SLC16A12: variants seen among roughly 807,000 people sequenced by gnomAD.
The protein encoded by SLC16A12 is monocarboxylate transporter 12.
SLC16A12 carries 17 observed loss-of-function variants against 42.4 expected under a neutral mutation model. That is an observed-to-expected ratio of 0.40 (90% CI 0.27 to 0.60). The LOEUF (loss-of-function observed/expected upper bound fraction) is 0.60, where lower values mean the gene tolerates loss of function less well. SLC16A12 is among the 20% of genes least tolerant of loss of function. The pLI is 0.42. For synonymous variants in SLC16A12, 224 were observed against 229.4 expected, an observed-to-expected ratio of 0.98 and a Z score of 0.21; for missense variants, 544 against 623.0, an observed-to-expected ratio of 0.87 and a Z score of 1.35.
chr10:89,528,193 C>A (rs906438685), intron 2 of SLC16A12, among the ~76,000 whole-genome samples: 5 of 152,022 alleles, frequency 3.3e-5, no homozygotes, highest in Non-Finnish European at 5.9e-5. Context: ...AAAGAGAGAC[C>A]CTGTCCCAAG....
intron 2 of SLC16A12, among the ~76,000 whole-genome samples, chr10:89,473,049 G>T (rs1466354866): frequency 6.6e-6 from 1 of 151,022 alleles, no homozygotes; most frequent in Non-Finnish European, 1.5e-5. Context: ...AAACTTTTGG[G>T]CTCAAGCGAT....
At chr10:89,550,387 C>T (rs1459649523) in intron 2 of SLC16A12, among the ~76,000 whole-genome samples, 1 of 152,064 alleles carries the variant, frequency 6.6e-6, no homozygotes, top group Non-Finnish European at 1.5e-5. Context: ...GGTGTGGTGG[C>T]AGGTGCCTGT....
At position 89,472,514 on chromosome 10, in the gene SLC16A12, A is replaced by G. The variant is rs1355900607; in HGVS notation, c.-46-9890T>C. ...TTTTTTTTTTTTTTTTTTTTTTGAG[A>G]TGGAGTCTTGCTGTGTTGCCCAGGC... On this transcript the variant is annotated intron_variant, in intron 2 of 7. Transcript: ENST00000371790. Among the ~76,000 whole-genome samples the G allele has an allele frequency of 1.4e-3, 101 of 74,144 alleles. 1 individual carries two copies. Among genetic ancestry groups the G allele is most frequent in the African/African-American group, 4.8e-3 (91 of 18,884 alleles). 48.6% of individuals were successfully genotyped at this position (74,144 alleles called of 152,430 possible).
intron 2 of SLC16A12, among the ~76,000 whole-genome samples, chr10:89,519,960 A>G (rs1269008276): frequency 6.6e-6 from 1 of 151,972 alleles, no homozygotes; most frequent in African/African-American, 2.4e-5. Flanking sequence ...TAAAAATACA[A>G]AAATTAGTTG....
chr10:89,531,039 G>C (rs17093711), intron 2 of SLC16A12, among the ~76,000 whole-genome samples: 24 of 152,044 alleles, frequency 1.6e-4, no homozygotes, highest in Admixed American at 1.3e-3. Flanking sequence ...TCCATATAGC[G>C]ATCAACTTAG....
chr10:89,479,842 C>T (rs370323278), intron 2 of SLC16A12, among the ~76,000 whole-genome samples: 4 of 152,126 alleles, frequency 2.6e-5, no homozygotes, highest in African/African-American at 4.8e-5. Context: ...TTATATATCA[C>T]GATAGTGTTG....
At chr10:89,519,852 T>C (rs371539245) in intron 2 of SLC16A12, among the ~76,000 whole-genome samples, 17 of 152,270 alleles carry the variant, frequency 1.1e-4, no homozygotes, top group East Asian at 1.9e-4. Context: ...CGGTGGCTCA[T>C]GCCTGTAATC....
At chr10:89,554,068 G>T (rs1843788868) in intron 2 of SLC16A12, among the ~76,000 whole-genome samples, 2 of 105,654 alleles carry the variant, frequency 1.9e-5, no homozygotes, top group African/African-American at 7.6e-5. Context: ...AAGAAAGAAA[G>T]AAAGAAAGAA....
At chr10:89,506,384 A>G (rs1012398490) in intron 2 of SLC16A12, among the ~76,000 whole-genome samples, 50 of 152,218 alleles carry the variant, frequency 3.3e-4, no homozygotes. Context: ...AGGATCAGGC[A>G]GCAATATTTG....
At chr10:89,546,137 A>C (rs185174930) in intron 2 of SLC16A12, among the ~76,000 whole-genome samples, 3 of 151,558 alleles carry the variant, frequency 2.0e-5, no homozygotes, top group African/African-American at 7.3e-5. Context: ...ATGGGCAAAG[A>C]CTTCATGACA....
chr10:89,522,636 T>G (rs1190164779), intron 2 of SLC16A12, among the ~76,000 whole-genome samples: 1 of 152,246 alleles, frequency 6.6e-6, no homozygotes, highest in African/African-American at 2.4e-5. Flanking sequence ...ACTGGTTATT[T>G]GAAGTCTTAA....
chr10:89,548,434 T>C (rs560320831), intron 2 of SLC16A12, among the ~76,000 whole-genome samples: 1 of 152,092 alleles, frequency 6.6e-6, no homozygotes, highest in East Asian at 1.9e-4. Context: ...AAATGTTCTG[T>C]GCAAAAGAGG....
At chr10:89,506,075 C>G (rs1183948634) in intron 2 of SLC16A12, among the ~76,000 whole-genome samples, 1 of 152,232 alleles carries the variant, frequency 6.6e-6, no homozygotes, top group Non-Finnish European at 1.5e-5. Flanking sequence ...CGGCCCCACT[C>G]AGGGACTTAT....
intron 2 of SLC16A12, among the ~76,000 whole-genome samples, chr10:89,502,429 T>C (rs1287029515): frequency 2.0e-5 from 3 of 151,858 alleles, no homozygotes; most frequent in Non-Finnish European, 4.4e-5. Flanking sequence ...CGGGCAACAG[T>C]GCAAGACTCC....
intron 2 of SLC16A12, among the ~76,000 whole-genome samples, chr10:89,506,698 A>G (rs185317227): frequency 2.0e-5 from 3 of 152,296 alleles, no homozygotes; most frequent in Admixed American, 1.3e-4. Flanking sequence ...CTCATCAGCA[A>G]GGGAACAAAA....
chr10:89,494,032 G>A (rs1191036614), intron 2 of SLC16A12, among the ~76,000 whole-genome samples: 1 of 152,068 alleles, frequency 6.6e-6, no homozygotes, highest in African/African-American at 2.4e-5. Flanking sequence ...CATTCCTGTT[G>A]GTAAACTAAT....
intron 2 of SLC16A12, among the ~76,000 whole-genome samples, chr10:89,527,733 G>A (rs1416854527): frequency 1.3e-5 from 2 of 151,304 alleles, no homozygotes; most frequent in East Asian, 3.9e-4. Flanking sequence ...GAGCCTAGTA[G>A]TTCAAGGCTG....
intron 2 of SLC16A12, among the ~76,000 whole-genome samples, chr10:89,549,393 A>G (rs1843758181): frequency 6.6e-6 from 1 of 152,250 alleles, no homozygotes; most frequent in Non-Finnish European, 1.5e-5. Context: ...ACATTTACAC[A>G]TTCATATTAA....
chr10:89,505,198 T>C (rs1267707106), intron 2 of SLC16A12, among the ~76,000 whole-genome samples: 3 of 152,160 alleles, frequency 2.0e-5, no homozygotes, highest in Non-Finnish European at 4.4e-5. Flanking sequence ...TTATAATGTA[T>C]GTAAATAGGA....
Sources: gnomAD v4.1 joint callset for allele counts (sites outside exome capture counted in the v4.1 genomes callset) on GRCh38, gnomAD v4.1.1 for gene constraint, MANE v1.5 for transcripts, NCBI Gene and HGNC (gene_info 2026-07-23, HGNC 2026-07-21) for gene names.